Variants in SORT1 observed in about 807,000 individuals in gnomAD.
The protein encoded by SORT1 is sortilin.
In SORT1, 39 loss-of-function variants were observed where a neutral mutation model predicts 101.7. That is an observed-to-expected ratio of 0.38 (90% CI 0.30 to 0.50). SORT1 has a LOEUF of 0.50. Among genes scored for constraint, SORT1 ranks in the 20% least tolerant of loss-of-function variants. SORT1 has a pLI of 0.90. For missense variants in SORT1, 878 were observed against 1,040.4 expected (o/e 0.84, Z 2.15); for synonymous variants, 396 against 393.7 (o/e 1.01, Z -0.07).
chr1:109,392,293 G>T (rs1304429867), intron 1 of SORT1, among the ~76,000 whole-genome samples: 1 of 152,176 alleles, frequency 6.6e-6, no homozygotes, highest in Non-Finnish European at 1.5e-5. Flanking sequence ...GGGGAACGCA[G>T]ACTCTGCAGT....
At position 109,313,995 on chromosome 1, in the gene SORT1, A is replaced by G. The variant is rs1658875810; in HGVS notation, c.*48T>C. The G allele has an allele frequency of 6.3e-7, 1 of 1,586,360 alleles. No homozygotes were observed. Among genetic ancestry groups the G allele is most frequent in the Non-Finnish European group, 8.7e-7 (1 of 1,155,196 alleles). On this transcript the variant is annotated 3_prime_UTR_variant, in exon 20 of 20. Transcript: ENST00000256637. ...AAGTTGGAGCCACAGGGAGTGTAAG[A>G]GGTACTGTGGTTCCACCATCCATGC...
intron 14 of SORT1, among the ~76,000 whole-genome samples, chr1:109,324,294 T>C (rs1647839206): frequency 6.6e-6 from 1 of 152,062 alleles, no homozygotes; most frequent in African/African-American, 2.4e-5. Context: ...CCCGCCACCT[T>C]ACCTGGCTAA....
In SORT1 at chr1:109,345,803, T is replaced by G. The variant is rs140469013; in HGVS notation, c.911A>C (p.Tyr304Ser). 2 of 1,613,190 alleles carry G rather than the reference T, an allele frequency of 1.2e-6. No homozygotes were observed. Among genetic ancestry groups the G allele is most frequent in the African/African-American group, 2.7e-5 (2 of 74,734 alleles). ...GAAACGTCCCCCAAGACCAAATGAG[T>G]AGATTTTCACACCAATAGTTTTGAA... is the stretch of plus-strand genomic sequence containing the variant. ...KSFKTIGVKI[Y>S]SFGLGGRFLF... The change falls in exon 8 of 20, where the codon TAC becomes TCC. Residue 304 changes from tyrosine (Y) to serine (S), a missense_variant. Transcript: ENST00000256637.
intron 1 of SORT1, among the ~76,000 whole-genome samples, chr1:109,381,870 GAA>G (rs59107584): frequency 7.1e-6 from 1 of 140,940 alleles, no homozygotes; most frequent in African/African-American, 2.6e-5. Context: ...CCTTAAAAAA[GAA>G]AAAAAAAAGG....
intron 1 of SORT1, among the ~76,000 whole-genome samples, chr1:109,374,988 G>C (rs1651732057): frequency 6.6e-6 from 1 of 152,130 alleles, no homozygotes; most frequent in South Asian, 2.1e-4. Flanking sequence ...ACAAACACTG[G>C]ATAGGCTGAA....
chr1:109,388,964 G>A (rs970947537), intron 1 of SORT1, among the ~76,000 whole-genome samples: 6 of 152,090 alleles, frequency 3.9e-5, no homozygotes, highest in Non-Finnish European at 7.4e-5. Context: ...CTACATACAC[G>A]TCTTACATTT....
intron 11 of SORT1, among the ~76,000 whole-genome samples, chr1:109,330,228 C>T (rs759268356): frequency 1.3e-5 from 2 of 152,098 alleles, no homozygotes; most frequent in Non-Finnish European, 2.9e-5. Context: ...CTCCTGACCT[C>T]GTGATCCACC....
At chr1:109,348,639 C>A (rs929317832) in intron 6 of SORT1, among the ~76,000 whole-genome samples, 17 of 152,134 alleles carry the variant, frequency 1.1e-4, no homozygotes, top group African/African-American at 4.1e-4. Flanking sequence ...CAGGTGTGCA[C>A]CACCATGCTT....
Position 109,397,629 on chromosome 1 carries a change from C to G in SORT1, c.264G>C (p.Arg88=). ...SAPGEDEECG[R]VRDFVAKLAN... is the part of the protein sequence containing the mutation. ...CCAGCTTGGCGACGAAGTCCCGGACCCGGCCGCACTCCTCGTCCTCGCCCG... is the reference window on the plus strand; with the variant it reads ...CCAGCTTGGCGACGAAGTCCCGGACGCGGCCGCACTCCTCGTCCTCGCCCG... The change falls in exon 1 of 20, where the codon CGG becomes CGC. Residue 88 remains arginine (R), a synonymous_variant. Transcript: ENST00000256637. The G allele has an allele frequency of 1.6e-6, 2 of 1,278,528 alleles. No homozygotes were observed. The highest frequency in any genetic ancestry group is 2.0e-6 in the Non-Finnish European group (2 of 1,000,222). 79.2% of individuals were successfully genotyped at this position (1,278,528 alleles called of 1,614,324 possible).
At chr1:109,381,744 G>C (rs1468599907) in intron 1 of SORT1, among the ~76,000 whole-genome samples, 2 of 152,054 alleles carry the variant, frequency 1.3e-5, no homozygotes, top group Non-Finnish European at 2.9e-5. Context: ...AACTAGCCAG[G>C]CATGGTGGCA....
chr1:109,319,631 C>T (rs1329355642), intron 15 of SORT1, among the ~76,000 whole-genome samples: 11 of 152,066 alleles, frequency 7.2e-5, no homozygotes, highest in Non-Finnish European at 8.8e-5. Flanking sequence ...CTTGGGAGGC[C>T]GAGGCAGGCG....
Position 109,324,968 on chromosome 1 carries a change from T to A in SORT1, c.1765A>T (p.Thr589Ser), listed in dbSNP as rs777878199. 6.2e-7 allele frequency: 1 copy of A among 1,613,904 alleles called. No homozygotes were observed. Among genetic ancestry groups the A allele is most frequent in the South Asian group, 1.1e-5 (1 of 91,070 alleles). The change falls in exon 14 of 20, where the codon ACA (threonine) becomes TCA (serine). Residue 589 changes from threonine (T) to serine (S), a missense_variant. Transcript: ENST00000256637. ...RSMNISIWGF[T>S]ESFLTSQWVS... ...CACTGGCTGGTCAGGAAAGATTCTG[T>A]GAAGCCCCAAATGCTGATATTCATG...
intron 11 of SORT1, 54 bp downstream of exon 11, chr1:109,336,186 A>G: frequency 9.1e-7 from 1 of 1,104,964 alleles, no homozygotes; most frequent in Non-Finnish European, 1.4e-6. Context: ...GCTGGCACTG[A>G]TCAGAGCACA....
chr1:109,339,168 C>T (rs149368704), intron 10 of SORT1, among the ~76,000 whole-genome samples: 99 of 152,232 alleles, frequency 6.5e-4, no homozygotes, highest in African/African-American at 2.0e-3. Flanking sequence ...TGAGCCACCG[C>T]GCCCAGCGAC....
intron 13 of SORT1, chr1:109,326,757 AGAAAGAAT>A (rs1261147805): frequency 5.6e-6 from 2 of 357,916 alleles, no homozygotes; most frequent in African/African-American, 4.2e-5. Flanking sequence ...CGCCCAACCC[AGAAAGAAT>A]GTTTTTAAGA....
chr1:109,369,916 T>C (rs1002544349), intron 1 of SORT1, among the ~76,000 whole-genome samples: 10 of 152,206 alleles, frequency 6.6e-5, no homozygotes, highest in African/African-American at 2.2e-4. Flanking sequence ...CAAAGTATTT[T>C]TAGGATGCTT....
intron 1 of SORT1, among the ~76,000 whole-genome samples, chr1:109,380,302 T>C (rs1210960450): frequency 6.6e-6 from 1 of 152,024 alleles, no homozygotes; most frequent in Non-Finnish European, 1.5e-5. Flanking sequence ...CAAAAAATGA[T>C]ACTAGAAGTA....
intron 7 of SORT1, among the ~76,000 whole-genome samples, 154 bp from the exon 8 acceptor site, chr1:109,346,035 G>A (rs921372173): frequency 6.6e-6 from 1 of 152,212 alleles, no homozygotes; most frequent in Non-Finnish European, 1.5e-5. Flanking sequence ...ACAGCGGCCA[G>A]GCGCAGTGGC....
At chr1:109,330,533 G>T (rs1283391786) in intron 11 of SORT1, among the ~76,000 whole-genome samples, 2 of 151,906 alleles carry the variant, frequency 1.3e-5, no homozygotes, top group African/African-American at 4.8e-5. Flanking sequence ...TAAGAAAAAA[G>T]AAAAATCTCA....
Sources: gnomAD v4.1 joint callset for allele counts (sites outside exome capture counted in the v4.1 genomes callset) on GRCh38, gnomAD v4.1.1 for gene constraint, MANE v1.5 for transcripts, NCBI Gene and HGNC (gene_info 2026-07-23, HGNC 2026-07-21) for gene names.